The following MSH6 variants were observed in gnomAD, a reference collection of about 807,000 sequenced individuals.
MSH6 encodes the protein mutS homolog 6.
A neutral mutation model predicts 119.1 loss-of-function variants in MSH6; 85 were observed. The observed-to-expected ratio is 0.71, with a 90% CI of 0.60 to 0.85. MSH6 has a LOEUF of 0.85. MSH6 is among the 40% of genes least tolerant of loss of function. The pLI is 0.00. For missense variants in MSH6, 2,163 were observed against 1,655.3 expected, an observed-to-expected ratio of 1.31 and a Z score of -5.32; for synonymous variants, 830 against 586.9, an observed-to-expected ratio of 1.41 and a Z score of -5.99.
chr2:47,786,491 C>A (rs965906188), intron 1 of MSH6, among the ~76,000 whole-genome samples: 25 of 142,626 alleles, frequency 1.8e-4, no homozygotes, highest in African/African-American at 6.3e-4. Flanking sequence ...CCTGCCACCA[C>A]GCCCAGCTAA....
At chr2:47,784,287 A>C in intron 1 of MSH6, 1 of 966,504 alleles carries the variant, frequency 1.0e-6, no homozygotes, top group South Asian at 4.8e-5. Flanking sequence ...ATTTTGACGT[A>C]TGTGGAAATT....
chr2:47,805,730 T>G, intron 7 of MSH6, 23 bp downstream of exon 7: 1 of 1,381,326 alleles, frequency 7.2e-7, no homozygotes. Context: ...ACTTCTCATT[T>G]GAAGACTATC....
At chr2:47,793,210 A>C (rs1347722549) in intron 2 of MSH6, among the ~76,000 whole-genome samples, 1 of 149,160 alleles carries the variant, frequency 6.7e-6, no homozygotes, top group Non-Finnish European at 1.5e-5. Context: ...AATCCCAGCT[A>C]CTTGGGAGGC....
At chr2:47,808,688 C>G, downstream of MSH6, 1 of 369,380 alleles carries the variant, frequency 2.7e-6, no homozygotes, top group Non-Finnish European at 4.8e-6. Flanking sequence ...TCAAATGTTT[C>G]TGGGCTGAAA....
downstream of MSH6, chr2:47,809,041 A>C (rs1334625992): frequency 1.6e-6 from 1 of 612,626 alleles, no homozygotes; most frequent in South Asian, 2.1e-5. Flanking sequence ...TTGATGATAA[A>C]ATTTTCAGTT....
In MSH6 at chr2:47,798,827, G is replaced by GT. The variant is rs1553412283; in HGVS notation, c.845dup (p.Asp284GlyfsTer2). The GT allele has an allele frequency of 6.2e-7, 1 of 1,614,196 alleles. No individual in the cohort carries two copies. Among genetic ancestry groups the GT allele is most frequent in the Non-Finnish European group, 8.5e-7 (1 of 1,180,032 alleles). On this transcript the variant is annotated frameshift_variant, in exon 4 of 10. Coordinates refer to ENST00000234420, the MANE Select transcript of MSH6 (RefSeq NM_000179.3). LOFTEE classifies it high-confidence loss of function. Reference sequence around the variant, plus strand: ...AAGCAGTGATGAAATAAGCAGTGGAGTGGGGGATAGTGAGAGTGAAGGCCT... The same window carrying GT: ...AAGCAGTGATGAAATAAGCAGTGGAGTTGGGGGATAGTGAGAGTGAAGGCCT...
At chr2:47,788,906 CCTTTTTTTTTTTTTTGTTT>C (rs1459059781) in intron 1 of MSH6, among the ~76,000 whole-genome samples, 268 of 15,818 alleles carry the variant, frequency 0.017, 22 homozygotes, top group East Asian at 0.14. Context: ...CTTTCTTCTT[CCTTTTTTTTTTTTTTGTTT>C]TTTTTTTTTT....
At chr2:47,786,534 A>T (rs948420178) in intron 1 of MSH6, among the ~76,000 whole-genome samples, 1 of 151,518 alleles carries the variant, frequency 6.6e-6, no homozygotes, top group Non-Finnish European at 1.5e-5. Context: ...GGGTTTCACC[A>T]TGTTGGTCAG....
intron 1 of MSH6, chr2:47,784,022 A>C (rs920873658): frequency 2.0e-6 from 2 of 1,021,642 alleles, no homozygotes; most frequent in African/African-American, 1.7e-5. Context: ...TTGGGGCTCC[A>C]GTAGTCGATC....
chr2:47,796,181 T>G, intron 3 of MSH6, 118 bp downstream of exon 3: 3 of 1,043,700 alleles, frequency 2.9e-6, no homozygotes, highest in Non-Finnish European at 4.4e-6. Flanking sequence ...TATTATTTTA[T>G]TATACATACA....
At chr2:47,807,036 A>G, downstream of MSH6, 7 of 625,904 alleles carry the variant, frequency 1.1e-5, no homozygotes, top group South Asian at 5.7e-5. Flanking sequence ...AATACTCCAC[A>G]ATATATTAAG....
At chr2:47,803,766 C>T (rs2104489214) in intron 5 of MSH6, 81 bp downstream of exon 5, 1 of 1,550,884 alleles carries the variant, frequency 6.4e-7, no homozygotes, top group Non-Finnish European at 8.9e-7. Context: ...ATTTTCCAAA[C>T]ACAGTTACAT....
downstream of MSH6, chr2:47,807,211 AC>A (rs1670273988): frequency 3.9e-6 from 1 of 255,036 alleles, no homozygotes. Context: ...TTTTGTCTAA[AC>A]TGTTCAAAAA....
Position 47,806,269 on chromosome 2 carries a change from A to G in MSH6, c.3712A>G (p.Thr1238Ala), listed in dbSNP as rs1000702910. ...TGCAGTTGTTAAAGAACTTGCTGAGACTATAAAATGTCGTACATTATTTTC... is the reference window on the plus strand; with the variant it reads ...TGCAGTTGTTAAAGAACTTGCTGAGGCTATAAAATGTCGTACATTATTTTC... ...ANAVVKELAE[T>A]IKCRTLFSTH... The change falls in exon 8 of 10, where the codon ACT becomes GCT. Residue 1238 changes from threonine to alanine, a missense_variant. Thr to Ala is a moderately conservative substitution (Grantham distance 58). Coordinates refer to ENST00000234420, the MANE Select transcript of MSH6 (RefSeq NM_000179.3). The G allele has an allele frequency of 6.2e-7, 1 of 1,614,072 alleles. No homozygotes were observed. Among genetic ancestry groups the G allele is most frequent in the Non-Finnish European group, 8.5e-7 (1 of 1,179,936 alleles).
rs587782593 is a variant in MSH6, at chr2:47,800,636, A to G, written c.2653A>G (p.Lys885Glu). Residue 885 changes from lysine (K) to glutamate (E), a missense_variant, in exon 4 of 10, where the codon AAA becomes GAA. Lys to Glu is a moderately conservative substitution (Grantham distance 56, BLOSUM62 1). Coordinates refer to ENST00000234420, the MANE Select transcript of MSH6 (RefSeq NM_000179.3). ...AGAAGTTGCTGATGGTTTTAAGTCTAAAATCCTTAAGCAGGTCATCTCTCT... is the reference window on the plus strand; with the variant it reads ...AGAAGTTGCTGATGGTTTTAAGTCTGAAATCCTTAAGCAGGTCATCTCTCT... ...MEEVADGFKS[K>E]ILKQVISLQT... The G allele has an allele frequency of 5.0e-6, 8 of 1,614,096 alleles. No homozygotes were observed. Among genetic ancestry groups the G allele is most frequent in the African/African-American group, 1.3e-5 (1 of 74,936 alleles).
intron 2 of MSH6, 79 bp from the exon 3 acceptor site, chr2:47,795,815 G>T (rs2104223989): frequency 8.0e-7 from 1 of 1,246,680 alleles, no homozygotes; most frequent in East Asian, 2.5e-5. Context: ...TGTTGCCCAG[G>T]CTGGTCTTGA....
At chr2:47,787,707 A>G (rs879542555) in intron 1 of MSH6, among the ~76,000 whole-genome samples, 6 of 152,246 alleles carry the variant, frequency 3.9e-5, no homozygotes, top group Admixed American at 2.0e-4. Context: ...CCCTCGACCT[A>G]TTCGGCTCAA....
At position 47,800,088 on chromosome 2, in the gene MSH6, C is replaced by A. The variant is rs63751419; in HGVS notation, c.2105C>A (p.Ser702Ter). 1 of 1,614,104 alleles carries A rather than the reference C, an allele frequency of 6.2e-7. No individual in the cohort carries two copies. Among genetic ancestry groups the A allele is most frequent in the Non-Finnish European group, 8.5e-7 (1 of 1,180,016 alleles). The change falls in exon 4 of 10, where the codon TCA becomes TAA. Residue 702 changes from serine (S) to a stop codon, truncating the protein, a stop_gained. Transcript: ENST00000234420. LOFTEE classifies it high-confidence loss of function. Reference protein sequence around the residue: ...KKCLIDQELLSMANFEEYIPL... With the variant: ...KKCLIDQELL ...TGCCTTATTGATCAGGAGCTTTTAT[C>A]AATGGCTAATTTTGAAGAATATATT... is the stretch of plus-strand genomic sequence containing the variant.
In MSH6 at chr2:47,799,957, G is replaced by A. The variant is rs372916347; in HGVS notation, c.1974G>A (p.Val658=). The part of the protein sequence containing the change: ...SDGIGVMLPQ[V]LKGMTSESDS... ...GCATTGGGGTGATGTTACCCCAGGT[G>A]CTTAAAGGTATGACTTCAGAGTCTG... The change falls in exon 4 of 10, where the codon GTG becomes GTA. Residue 658 remains valine (V), a synonymous_variant. Transcript: ENST00000234420. 115 of 1,614,018 alleles carry A rather than the reference G, an allele frequency of 7.1e-5. No individual in the cohort carries two copies. The highest frequency in any genetic ancestry group is 9.2e-5 in the Non-Finnish European group (108 of 1,180,044).
Sources: gnomAD v4.1 joint callset for allele counts (sites outside exome capture counted in the v4.1 genomes callset) on GRCh38, gnomAD v4.1.1 for gene constraint, MANE v1.5 for transcripts, NCBI Gene and HGNC (gene_info 2026-07-23, HGNC 2026-07-21) for gene names.